The following NOVA1 variants were observed in gnomAD, a reference collection of about 807,000 sequenced individuals.
The protein encoded by NOVA1 is RNA-binding protein Nova-1.
In NOVA1, 7 loss-of-function variants were observed where a neutral mutation model predicts 38.0. The observed-to-expected ratio is 0.18, with a 90% CI of 0.10 to 0.35. NOVA1 has a LOEUF of 0.35. NOVA1 is among the 10% of genes least tolerant of loss of function. The probability of loss-of-function intolerance (pLI) is 1.00; values close to 1 mark genes in which losing one functional copy is unlikely to be tolerated. For missense variants in NOVA1, 460 were observed against 616.0 expected (o/e 0.75, Z 2.68); for synonymous variants, 270 against 232.5 (o/e 1.16, Z -1.47).
chr14:26,562,079 T>C (rs1436901116), intron 2 of NOVA1, among the ~76,000 whole-genome samples: 2 of 152,174 alleles, frequency 1.3e-5, no homozygotes, highest in Non-Finnish European at 2.9e-5. Context: ...GTTTTGGTTA[T>C]ATGAAAATCT....
intron 2 of NOVA1, among the ~76,000 whole-genome samples, chr14:26,515,919 T>G (rs552033865): frequency 3.3e-4 from 50 of 152,190 alleles, no homozygotes; most frequent in African/African-American, 1.2e-3. Flanking sequence ...CATAAGTGTA[T>G]ATCTTAAATT....
chr14:26,511,902 A>G (rs1447996197), intron 2 of NOVA1, among the ~76,000 whole-genome samples: 1 of 152,186 alleles, frequency 6.6e-6, no homozygotes, highest in South Asian at 2.1e-4. Flanking sequence ...CCGAAATATC[A>G]TTAAACAAAA....
intron 2 of NOVA1, among the ~76,000 whole-genome samples, chr14:26,531,927 G>T (rs1424053985): frequency 2.6e-5 from 4 of 152,014 alleles, no homozygotes; most frequent in Non-Finnish European, 5.9e-5. Flanking sequence ...GTTGACAAAA[G>T]AAAATAAAGC....
intron 2 of NOVA1, chr14:26,519,433 T>C (rs1888711322): frequency 6.6e-6 from 1 of 152,082 alleles, no homozygotes; most frequent in Admixed American, 6.6e-5. Context: ...TAAGAATAGG[T>C]AGAGTAGGGC....
intron 2 of NOVA1, among the ~76,000 whole-genome samples, chr14:26,534,853 A>C (rs1889958227): frequency 6.6e-6 from 1 of 152,174 alleles, no homozygotes; most frequent in African/African-American, 2.4e-5. Context: ...CAAAAGCAAA[A>C]GGATGGAGTG....
At chr14:26,453,007 G>A (rs1033647832) in intron 4 of NOVA1, among the ~76,000 whole-genome samples, 1 of 152,038 alleles carries the variant, frequency 6.6e-6, no homozygotes, top group Non-Finnish European at 1.5e-5. Context: ...GAAAGAATAG[G>A]TAAGAAAATC....
At chr14:26,510,061 T>C (rs1157338122) in intron 2 of NOVA1, among the ~76,000 whole-genome samples, 1 of 151,968 alleles carries the variant, frequency 6.6e-6, no homozygotes, top group East Asian at 1.9e-4. Context: ...CATGTACCAA[T>C]AGAAGGCAGG....
intron 2 of NOVA1, among the ~76,000 whole-genome samples, chr14:26,542,641 A>G (rs1890536135): frequency 6.6e-6 from 1 of 151,592 alleles, no homozygotes; most frequent in Admixed American, 6.6e-5. Context: ...TTTTATGACC[A>G]ATAACTTGTC....
At chr14:26,507,798 T>C (rs890759195) in intron 2 of NOVA1, among the ~76,000 whole-genome samples, 2 of 152,128 alleles carry the variant, frequency 1.3e-5, no homozygotes, top group African/African-American at 2.4e-5. Flanking sequence ...TAAATGTGTA[T>C]GACTTTAATT....
chr14:26,582,704 GATA>G (rs1237602261), intron 2 of NOVA1, among the ~76,000 whole-genome samples: 3 of 151,700 alleles, frequency 2.0e-5, no homozygotes, highest in Admixed American at 6.6e-5. Context: ...ACAAACTTCA[GATA>G]ATAAGTCAAT....
chr14:26,578,105 AATGCTGCTG>A (rs1470225076), intron 2 of NOVA1, among the ~76,000 whole-genome samples: 1 of 152,162 alleles, frequency 6.6e-6, no homozygotes, highest in African/African-American at 2.4e-5. Flanking sequence ...CACTGTGTCA[AATGCTGCTG>A]ATGGTTATAT....
chr14:26,490,520 T>C (rs897517032), intron 2 of NOVA1, among the ~76,000 whole-genome samples: 27 of 152,226 alleles, frequency 1.8e-4, no homozygotes, highest in African/African-American at 6.5e-4. Context: ...TATTTTTTAG[T>C]AATAGCCATC....
rs1351562762 is a variant in NOVA1 at position 26,443,602 on chromosome 14, C to T, written c.*4357G>A. ...ACATATCTGATGAAACAAAAAATAA[C>T]ATGCAGATTTCCAAATATAATCTGT... is the stretch of plus-strand genomic sequence containing the variant. On this transcript the variant is annotated 3_prime_UTR_variant, in exon 5 of 5. Transcript: ENST00000539517. 6.6e-6 allele frequency: 1 copy of T among 152,034 alleles called. No homozygotes were observed. Among genetic ancestry groups the T allele is most frequent in the Non-Finnish European group, 1.5e-5 (1 of 67,786 alleles). The allele number at this position is 152,034 out of a possible 1,614,324, so 9.4% of individuals were successfully genotyped here. A position where few individuals can be genotyped will look rare whatever the true frequency, so the allele number is the denominator to read the frequency against.
chr14:26,454,697 T>C (rs958155544), intron 4 of NOVA1, among the ~76,000 whole-genome samples: 1 of 152,224 alleles, frequency 6.6e-6, no homozygotes, highest in South Asian at 2.1e-4. Context: ...TTTTATATCA[T>C]GCATTATTTG....
At chr14:26,545,348 G>A (rs1890723492) in intron 2 of NOVA1, among the ~76,000 whole-genome samples, 1 of 152,042 alleles carries the variant, frequency 6.6e-6, no homozygotes, top group African/African-American at 2.4e-5. Flanking sequence ...GTTATACAGA[G>A]GATAGTAGCC....
At chr14:26,457,942 G>T (rs1365035792) in intron 4 of NOVA1, among the ~76,000 whole-genome samples, 4 of 151,700 alleles carry the variant, frequency 2.6e-5, no homozygotes, top group African/African-American at 9.7e-5. Context: ...TAATTAAAAA[G>T]TTTTAAAACT....
At chr14:26,481,907 G>C (rs916681208) in intron 2 of NOVA1, among the ~76,000 whole-genome samples, 1 of 145,244 alleles carries the variant, frequency 6.9e-6, no homozygotes, top group Non-Finnish European at 1.5e-5. Context: ...TATGAAAACA[G>C]ATCAGATTAC....
intron 3 of NOVA1, among the ~76,000 whole-genome samples, chr14:26,473,621 TA>T (rs769083032): frequency 5.3e-5 from 8 of 150,936 alleles, no homozygotes; most frequent in South Asian, 4.2e-4. Context: ...GAGTTAAAAA[TA>T]AAAAAAAAGA....
Position 26,450,722 on chromosome 14 carries a change from A to G in NOVA1, c.520-1759T>C, listed in dbSNP as rs1404886375. Among the ~76,000 whole-genome samples the G allele has an allele frequency of 2.0e-5, 3 of 152,190 alleles. No homozygotes were observed. In the East Asian group the frequency reaches 5.8e-4, roughly 29 times the overall value. The stretch of plus-strand genomic sequence containing the variant: ...TGTGTTACAATTAGAAAGTTAAACT[A>G]TGATTATATACTATACCAATTATAA... On this transcript the variant is annotated intron_variant, in intron 4 of 4. Coordinates refer to ENST00000539517, the MANE Select transcript of NOVA1 (RefSeq NM_002515.3).
Sources: allele counts gnomAD v4.1 joint callset (sites outside exome capture counted in the v4.1 genomes callset), GRCh38; gene constraint gnomAD v4.1.1; transcripts MANE v1.5; gene names NCBI Gene and HGNC (gene_info 2026-07-23, HGNC 2026-07-21).